Variants in PAG1 observed in about 807,000 individuals in gnomAD.
PAG1 encodes phosphoprotein membrane anchor with glycosphingolipid microdomains 1.
In PAG1, 23 loss-of-function variants were observed where a neutral mutation model predicts 31.7. That is an observed-to-expected ratio of 0.73 (90% CI 0.52 to 1.03). The LOEUF (loss-of-function observed/expected upper bound fraction) is 1.03, where lower values mean the gene tolerates loss of function less well. Among genes scored for constraint, PAG1 ranks in the 50% least tolerant of loss-of-function variants. The probability of loss-of-function intolerance (pLI) is 0.00; values close to 1 mark genes in which losing one functional copy is unlikely to be tolerated. For synonymous variants in PAG1, 214 were observed against 210.3 expected (o/e 1.02, Z -0.15); for missense variants, 473 against 540.7 (o/e 0.87, Z 1.24).
intron 2 of PAG1, among the ~76,000 whole-genome samples, chr8:81,068,343 T>C (rs1169367405): frequency 6.6e-6 from 1 of 152,254 alleles, no homozygotes; most frequent in Non-Finnish European, 1.5e-5. Context: ...AAGTCGCTAC[T>C]ATTACCACTA....
At chr8:80,999,472 G>A (rs73692533) in intron 3 of PAG1, among the ~76,000 whole-genome samples, 7,114 of 152,230 alleles carry the variant, frequency 0.047, 557 homozygotes, top group African/African-American at 0.16. Context: ...GTTTAAGAAT[G>A]AGTGTAGATG....
chr8:81,087,097 C>T (rs917740805), intron 1 of PAG1, among the ~76,000 whole-genome samples: 2 of 152,174 alleles, frequency 1.3e-5, no homozygotes. Context: ...GTAATCCCAG[C>T]ACTTTGGGAG....
intron 2 of PAG1, among the ~76,000 whole-genome samples, chr8:81,051,243 G>C (rs548582094): frequency 2.0e-5 from 3 of 152,172 alleles, no homozygotes; most frequent in Non-Finnish European, 4.4e-5. Flanking sequence ...GATGTGATAA[G>C]AGGAAATAGA....
intron 7 of PAG1, among the ~76,000 whole-genome samples, chr8:80,981,766 C>A (rs1458307596): frequency 6.6e-6 from 1 of 152,124 alleles, no homozygotes; most frequent in African/African-American, 2.4e-5. Flanking sequence ...TGGGATCATT[C>A]CCAGCCACAT....
At position 80,974,849 on chromosome 8, in the gene PAG1, A is replaced by G. The variant is rs1395819252; in HGVS notation, c.*1695T>C. On this transcript the variant is annotated 3_prime_UTR_variant, in exon 9 of 9. Transcript: ENST00000220597. ...AGCCCACACTCATAATAGCACTTCA[A>G]CTAGGCTCCTTTGAAAATGAAAAGT... 6.6e-6 allele frequency: 1 copy of G among 152,228 alleles called. No individual in the cohort carries two copies. The allele number at this position is 152,228 out of a possible 1,614,324, so 9.4% of individuals were successfully genotyped here.
chr8:80,979,879 C>T lies in PAG1; in HGVS notation c.936+556G>A, dbSNP rs528713035. The stretch of plus-strand genomic sequence containing the variant: ...TTAATGCTTCATTGAAAATCTAACT[C>T]GTGAATTTTGCACCCTGGTGCTTGG... On this transcript the variant is annotated intron_variant, in intron 8 of 8. Coordinates refer to ENST00000220597, the MANE Select transcript of PAG1 (RefSeq NM_018440.4). 8.5e-5 allele frequency among the ~76,000 whole-genome samples: 13 copies of T among 152,190 alleles called. No homozygotes were observed. In the East Asian group the frequency reaches 1.9e-3, roughly 23 times the overall value.
chr8:80,983,025 A>G (rs2130399207), intron 7 of PAG1, among the ~76,000 whole-genome samples: 1 of 152,016 alleles, frequency 6.6e-6, no homozygotes, highest in African/African-American at 2.4e-5. Flanking sequence ...GCTGCTCGGG[A>G]CTCTAGTGAC....
At chr8:81,086,082 C>T (rs990581698) in intron 1 of PAG1, among the ~76,000 whole-genome samples, 1 of 142,280 alleles carries the variant, frequency 7.0e-6, no homozygotes, top group Non-Finnish European at 1.5e-5. Flanking sequence ...CCCGGGTTCA[C>T]GCCATTCTCC....
chr8:81,015,755 T>C (rs962811654), intron 3 of PAG1, among the ~76,000 whole-genome samples: 2 of 152,212 alleles, frequency 1.3e-5, no homozygotes, highest in Admixed American at 1.3e-4. Flanking sequence ...TAGGTAGGTA[T>C]AGAAGATTCC....
At chr8:81,083,132 G>C (rs1024014946) in intron 1 of PAG1, among the ~76,000 whole-genome samples, 2 of 152,102 alleles carry the variant, frequency 1.3e-5, no homozygotes, top group Non-Finnish European at 2.9e-5. Flanking sequence ...GGTAGAATCA[G>C]GTTCCCTACT....
intron 2 of PAG1, among the ~76,000 whole-genome samples, chr8:81,038,183 G>A (rs1301632751): frequency 6.6e-6 from 1 of 152,226 alleles, no homozygotes; most frequent in Non-Finnish European, 1.5e-5. Context: ...GGGAGGGGCA[G>A]GCAAGAAAGA....
rs760561678 is a variant in PAG1 at position 80,990,148 on chromosome 8, C to A, written c.177+1331G>T. ...TGGACAACCAGGGATGGGAACAGGG[C>A]GAGAAACAGAGTAAAGGGAGGAGTG... is the stretch of plus-strand genomic sequence containing the variant. On this transcript the variant is annotated intron_variant, in intron 5 of 8. Coordinates refer to ENST00000220597, the MANE Select transcript of PAG1 (RefSeq NM_018440.4). This position sits in a 1 kb window ranked among gnomAD's most constrained non-coding sequence, Gnocchi z 5.1. Among the ~76,000 whole-genome samples the A allele has an allele frequency of 7.3e-5, 11 of 151,028 alleles. No individual in the cohort carries two copies. The highest frequency in any genetic ancestry group is 1.5e-4 in the Non-Finnish European group (10 of 67,818).
chr8:81,068,900 G>A (rs564010023), intron 2 of PAG1, among the ~76,000 whole-genome samples: 50 of 152,290 alleles, frequency 3.3e-4, no homozygotes, highest in Admixed American at 2.2e-3. Context: ...ACCCCCAACC[G>A]GAAAATGCTC....
chr8:81,061,880 T>C (rs1808923951), intron 2 of PAG1, among the ~76,000 whole-genome samples: 1 of 152,184 alleles, frequency 6.6e-6, no homozygotes, highest in South Asian at 2.1e-4. Context: ...CCATCCTCTA[T>C]GCTTTCAACC....
chr8:81,083,400 T>C (rs2131025251), intron 1 of PAG1, among the ~76,000 whole-genome samples: 1 of 152,278 alleles, frequency 6.6e-6, no homozygotes, highest in South Asian at 2.1e-4. Flanking sequence ...CTCTTGTTAC[T>C]ACGCAGCAGA....
At chr8:81,084,084 A>C (rs1809313261) in intron 1 of PAG1, among the ~76,000 whole-genome samples, 1 of 152,148 alleles carries the variant, frequency 6.6e-6, no homozygotes, top group Non-Finnish European at 1.5e-5. Context: ...CGACTCAAAA[A>C]GAAGAAAAGC....
At chr8:81,091,284 T>C (rs1809442368) in intron 1 of PAG1, among the ~76,000 whole-genome samples, 1 of 152,166 alleles carries the variant, frequency 6.6e-6, no homozygotes, top group South Asian at 2.1e-4. Flanking sequence ...GAATTAGAGT[T>C]TCATATAGCA....
At chr8:81,091,000 G>T (rs1809435454) in intron 1 of PAG1, among the ~76,000 whole-genome samples, 1 of 152,230 alleles carries the variant, frequency 6.6e-6, no homozygotes, top group Non-Finnish European at 1.5e-5. Flanking sequence ...AAGTCTGGCA[G>T]AATGGAGACT....
At chr8:81,081,931 T>A (rs1809272540) in intron 1 of PAG1, among the ~76,000 whole-genome samples, 1 of 152,178 alleles carries the variant, frequency 6.6e-6, no homozygotes, top group African/African-American at 2.4e-5. Flanking sequence ...TCTCTGGGAT[T>A]AAATGCTGAG....
Sources: gnomAD v4.1 joint callset for allele counts (sites outside exome capture counted in the v4.1 genomes callset) on GRCh38, gnomAD v4.1.1 for gene constraint, Gnocchi (gnomAD v3.1) non-coding constraint, MANE v1.5 for transcripts, NCBI Gene and HGNC (gene_info 2026-07-23, HGNC 2026-07-21) for gene names.